Variants in CNTLN observed in about 807,000 individuals in gnomAD.
The protein encoded by CNTLN is centlein.
Under a neutral mutation model 180.0 loss-of-function variants are expected in CNTLN, and 212 were observed. That is an observed-to-expected ratio of 1.18 (90% confidence interval 1.05 to 1.32). CNTLN has a LOEUF of 1.32. Ranked by LOEUF, CNTLN falls within the 40% of genes most tolerant of loss-of-function variation. The pLI, the probability that CNTLN is intolerant of heterozygous loss-of-function variation, is 0.00. For synonymous variants in CNTLN, 722 were observed against 563.1 expected, an observed-to-expected ratio of 1.28 and a Z score of -3.99; for missense variants, 2,095 against 1,610.9, an observed-to-expected ratio of 1.30 and a Z score of -5.14.
rs750424178 is a variant in CNTLN at position 17,135,049 on chromosome 9, C to G, written c.-17C>G. 4.1e-4 allele frequency: 646 copies of G among 1,587,638 alleles called. 2 individuals are homozygous for G. Among genetic ancestry groups the G allele is most frequent in the Non-Finnish European group, 3.9e-4 (459 of 1,173,088 alleles). On this transcript the variant is annotated 5_prime_UTR_variant, in exon 1 of 26. Transcript: ENST00000380647. ...GGAGTTTCCAACAGGGAACTTGACC[C>G]GTTAGCAGCCGCAGCCATGGCGGCG... is the stretch of plus-strand genomic sequence containing the variant.
intron 6 of CNTLN, among the ~76,000 whole-genome samples, chr9:17,276,119 C>G (rs1000251630): frequency 6.6e-6 from 1 of 151,980 alleles, no homozygotes; most frequent in African/African-American, 2.4e-5. Context: ...ACATATACCC[C>G]CTGTATCTAA....
intron 8 of CNTLN, among the ~76,000 whole-genome samples, chr9:17,329,703 T>C (rs546568671): frequency 1.3e-5 from 2 of 151,902 alleles, no homozygotes; most frequent in South Asian, 4.2e-4. Context: ...ATGTTTCCCA[T>C]TGTTGGTTCA....
intron 5 of CNTLN, among the ~76,000 whole-genome samples, chr9:17,271,359 G>C (rs1197930234): frequency 6.6e-6 from 1 of 152,036 alleles, no homozygotes; most frequent in East Asian, 1.9e-4. Flanking sequence ...TCTGTGTGAG[G>C]GCTAGCTTTA....
intron 25 of CNTLN, among the ~76,000 whole-genome samples, chr9:17,491,154 T>C (rs1833141502): frequency 6.6e-6 from 1 of 152,068 alleles, no homozygotes; most frequent in African/African-American, 2.4e-5. Context: ...AAACAGTCCT[T>C]TGCACTTGTG....
chr9:17,391,395 A>C (rs961155044), intron 14 of CNTLN, among the ~76,000 whole-genome samples: 3 of 152,132 alleles, frequency 2.0e-5, no homozygotes, highest in Non-Finnish European at 4.4e-5. Flanking sequence ...ATTATGTTTG[A>C]TATGACTTCC....
At chr9:17,275,200 A>T (rs1563947703) in intron 6 of CNTLN, among the ~76,000 whole-genome samples, 1 of 152,112 alleles carries the variant, frequency 6.6e-6, no homozygotes, top group Non-Finnish European at 1.5e-5. Flanking sequence ...AACTTAGTTT[A>T]AAAGTTTCTG....
chr9:17,292,939 C>A (rs77783692), intron 6 of CNTLN, among the ~76,000 whole-genome samples: 2,809 of 152,278 alleles, frequency 0.018, 90 homozygotes, highest in African/African-American at 0.064. Flanking sequence ...TAGCTTTGAT[C>A]TTTCAGTTTG....
At chr9:17,516,360 C>T in the CNTLN span, among the ~76,000 whole-genome samples, 6 of 152,126 alleles carry the variant, frequency 3.9e-5, no homozygotes, top group South Asian at 2.1e-4. Context: ...TTGTGGCTGA[C>T]GCTCCTGTAA....
chr9:17,420,160 C>A (rs1334393885), intron 18 of CNTLN, among the ~76,000 whole-genome samples: 1 of 152,150 alleles, frequency 6.6e-6, no homozygotes, highest in Admixed American at 6.6e-5. Context: ...CATGATCCAC[C>A]CACACCAGCC....
At chr9:17,314,757 T>C (rs185815188) in intron 8 of CNTLN, among the ~76,000 whole-genome samples, 6 of 152,352 alleles carry the variant, frequency 3.9e-5, no homozygotes, top group African/African-American at 1.2e-4. Flanking sequence ...TGCCTACATT[T>C]GATCATTCTC....
chr9:17,159,226 G>C (rs1025226162), intron 2 of CNTLN, among the ~76,000 whole-genome samples: 1 of 152,084 alleles, frequency 6.6e-6, no homozygotes. Flanking sequence ...ATCCTGACTA[G>C]AACTTCTAAG....
chr9:17,478,145 G>A (rs1458560743), intron 23 of CNTLN, among the ~76,000 whole-genome samples: 1 of 152,164 alleles, frequency 6.6e-6, no homozygotes, highest in East Asian at 1.9e-4. Flanking sequence ...ATTAAGATAT[G>A]TACATTTCTT....
intron 18 of CNTLN, among the ~76,000 whole-genome samples, chr9:17,429,901 C>T (rs1829314723): frequency 6.6e-6 from 1 of 151,776 alleles, no homozygotes; most frequent in Non-Finnish European, 1.5e-5. Context: ...TATGGTTAGC[C>T]AAGCAAAGGA....
intron 2 of CNTLN, among the ~76,000 whole-genome samples, chr9:17,187,483 C>CA (rs1392591053): frequency 6.6e-6 from 1 of 151,922 alleles, no homozygotes; most frequent in East Asian, 1.9e-4. Flanking sequence ...AGAAAATAAT[C>CA]ATAGACCTAC....
intron 18 of CNTLN, among the ~76,000 whole-genome samples, chr9:17,456,488 C>A (rs1831122565): frequency 6.6e-6 from 1 of 152,084 alleles, no homozygotes; most frequent in African/African-American, 2.4e-5. Context: ...TATGCACTTA[C>A]ATATACAAAT....
chr9:17,227,282 A>T (rs1196722781), intron 3 of CNTLN, among the ~76,000 whole-genome samples: 2 of 151,924 alleles, frequency 1.3e-5, no homozygotes, highest in African/African-American at 4.8e-5. Context: ...CCTATCTTTT[A>T]TGTATAATCA....
chr9:17,367,134 C>A (rs1823892904), intron 13 of CNTLN, among the ~76,000 whole-genome samples: 1 of 152,204 alleles, frequency 6.6e-6, no homozygotes, highest in Admixed American at 6.5e-5. Flanking sequence ...TGCCACCCTT[C>A]CCCTATCTCC....
chr9:17,139,659 CAA>C (rs1275449404), intron 1 of CNTLN, among the ~76,000 whole-genome samples: 1 of 132,582 alleles, frequency 7.5e-6, no homozygotes, highest in Non-Finnish European at 1.6e-5. Context: ...GACTTTGTCT[CAA>C]AAAAAAAAAA....
At chr9:17,466,992 C>G in intron 23 of CNTLN, 101 bp downstream of exon 23, 1 of 712,010 alleles carries the variant, frequency 1.4e-6, no homozygotes, top group African/African-American at 1.8e-5. Flanking sequence ...TTCTGCTTTC[C>G]TAACACAGAA....
Sources: allele counts gnomAD v4.1 joint callset (sites outside exome capture counted in the v4.1 genomes callset), GRCh38; gene constraint gnomAD v4.1.1; transcripts MANE v1.5; gene names NCBI Gene and HGNC (gene_info 2026-07-23, HGNC 2026-07-21).